Variants in FRMPD3 observed in about 807,000 individuals in gnomAD.
FRMPD3 encodes FERM and PDZ domain containing 3.
Under a neutral mutation model 97.9 loss-of-function variants are expected in FRMPD3, and 42 were observed. The observed-to-expected ratio is 0.43, with a 90% CI of 0.34 to 0.55. The LOEUF is 0.55. FRMPD3 is among the 20% of genes least tolerant of loss of function. The pLI is 0.03. For missense variants in FRMPD3, 1,303 were observed against 1,457.7 expected, an observed-to-expected ratio of 0.89 and a Z score of 1.73; for synonymous variants, 577 against 581.1, an observed-to-expected ratio of 0.99 and a Z score of 0.10.
intron 8 of FRMPD3, chrX:107,554,751 C>G: frequency 2.9e-6 from 1 of 342,364 alleles, no homozygotes. Flanking sequence ...CAGAAACAAG[C>G]AATCCCAGTA....
At chrX:107,570,020 A>T (rs1922803645) in intron 12 of FRMPD3, among the ~76,000 whole-genome samples, 1 of 107,301 alleles carries the variant, frequency 9.3e-6, no homozygotes, top group Non-Finnish European at 1.9e-5. Flanking sequence ...AGTCAAAAAA[A>T]AAAGGAAAGA....
intron 1 of FRMPD3, among the ~76,000 whole-genome samples, chrX:107,517,692 T>G (rs1602768805): frequency 1.0e-5 from 1 of 99,847 alleles, no homozygotes; most frequent in African/African-American, 3.8e-5. Flanking sequence ...ACCTGGGAGG[T>G]GGAGGTTGCA....
chrX:107,524,209 C>T (rs923655721), intron 1 of FRMPD3, among the ~76,000 whole-genome samples: 2 of 112,578 alleles, frequency 1.8e-5, no homozygotes, highest in East Asian at 2.8e-4. Flanking sequence ...CCTTCAAGGA[C>T]GAGCTCCTGC....
At chrX:107,564,827 C>T in intron 11 of FRMPD3, 60 bp from the exon 12 acceptor site, 2 of 1,131,463 alleles carry the variant, frequency 1.8e-6, no homozygotes, top group Middle Eastern at 2.6e-4. Flanking sequence ...CTCCTGCCTC[C>T]TCTCCCCACC....
intron 1 of FRMPD3, among the ~76,000 whole-genome samples, chrX:107,517,820 G>A (rs1249618916): frequency 3.5e-4 from 30 of 85,997 alleles, no homozygotes; most frequent in Non-Finnish European, 3.8e-4. Flanking sequence ...AAAGAAAGAA[G>A]GAAGGAAGGA....
At chrX:107,536,979 A>C (rs1923267052) in intron 4 of FRMPD3, among the ~76,000 whole-genome samples, 1 of 110,838 alleles carries the variant, frequency 9.0e-6, no homozygotes, top group Non-Finnish European at 1.9e-5. Flanking sequence ...AAGTGTCCAA[A>C]CTTAGGTGCA....
Position 107,475,278 on chromosome X carries a change from A to T in FRMPD3, c.-8+25273A>T, listed in dbSNP as rs754481028. 6.3e-5 allele frequency among the ~76,000 whole-genome samples: 7 copies of T among 111,979 alleles called. No homozygotes were observed. The East Asian group carries it at 1.7e-3, about 27-fold the overall frequency. On this transcript the variant is annotated intron_variant, in intron 1 of 14. Transcript: ENST00000683843. Reference sequence around the variant, plus strand: ...CCCAGCTCTCCTCCCTCTTTGAGCTACTTTCAAGTGTCTGCTCTGCTCTGT... The same window carrying T: ...CCCAGCTCTCCTCCCTCTTTGAGCTTCTTTCAAGTGTCTGCTCTGCTCTGT...
At chrX:107,462,096 T>A (rs946180942) in intron 1 of FRMPD3, among the ~76,000 whole-genome samples, 3 of 111,212 alleles carry the variant, frequency 2.7e-5, no homozygotes, top group Non-Finnish European at 5.7e-5. Flanking sequence ...GCCCCCGTTT[T>A]TAAAATTATA....
At chrX:107,535,672 CAA>C (rs772729164) in intron 4 of FRMPD3, among the ~76,000 whole-genome samples, 44 of 36,062 alleles carry the variant, frequency 1.2e-3, no homozygotes, top group African/African-American at 3.5e-3. Flanking sequence ...GACTCCATCT[CAA>C]AAAAAAAAAA....
intron 13 of FRMPD3, among the ~76,000 whole-genome samples, chrX:107,583,541 A>G (rs975445318): frequency 5.3e-5 from 6 of 112,244 alleles, no homozygotes; most frequent in Admixed American, 9.5e-5. Context: ...TAGTGCTACA[A>G]TAAACATACG....
chrX:107,496,227 C>G (rs1410301294), intron 1 of FRMPD3, among the ~76,000 whole-genome samples: 1 of 112,091 alleles, frequency 8.9e-6, no homozygotes, highest in Non-Finnish European at 1.9e-5. Flanking sequence ...ATTTGCATCC[C>G]TCTTGCAGTA....
chrX:107,485,805 A>G (rs977224648), intron 1 of FRMPD3, among the ~76,000 whole-genome samples: 1 of 111,785 alleles, frequency 8.9e-6, no homozygotes, highest in Non-Finnish European at 1.9e-5. Flanking sequence ...GATATAGGGA[A>G]AAGAGAACTG....
At position 107,601,978 on chromosome X, in the gene FRMPD3, C is replaced by T. The variant is rs376909950; in HGVS notation, c.3939C>T (p.Thr1313=). 32 of 1,169,320 alleles carry T rather than the reference C, an allele frequency of 2.7e-5. No homozygotes were observed. The African/African-American group carries it at 5.2e-4, about 19-fold the overall frequency. The change falls in exon 15 of 15, where the codon ACC becomes ACT. Residue 1313 remains threonine (T), a synonymous_variant. Transcript: ENST00000683843. ...RICRGGRPQA[T]QTPVPSLRGR... ...GCCGGGGGGGCCGGCCACAAGCCACCCAGACACCAGTGCCCAGCCTCCGGG... is the reference window on the plus strand; with the variant it reads ...GCCGGGGGGGCCGGCCACAAGCCACTCAGACACCAGTGCCCAGCCTCCGGG...
intron 1 of FRMPD3, among the ~76,000 whole-genome samples, chrX:107,489,974 T>C (rs1946313565): frequency 8.9e-6 from 1 of 112,350 alleles, no homozygotes; most frequent in African/African-American, 3.2e-5. Context: ...GTTTTAGGTC[T>C]AACATGTAAG....
rs1356478185 is a variant in FRMPD3, at chrX:107,600,006, A to G, written c.2264-297A>G. ...AGAAATATGTCTATACTGAACATGTACAGATTTTTCTTGTCATTATTCCCT... is the reference window on the plus strand; with the variant it reads ...AGAAATATGTCTATACTGAACATGTGCAGATTTTTCTTGTCATTATTCCCT... On this transcript the variant is annotated intron_variant, in intron 14 of 14. Coordinates refer to ENST00000683843, the MANE Select transcript of FRMPD3 (RefSeq NM_001388459.1). Among the ~76,000 whole-genome samples the G allele has an allele frequency of 7.1e-5, 8 of 112,396 alleles. No individual in the cohort carries two copies. In the East Asian group the frequency reaches 2.2e-3, roughly 31 times the overall value.
chrX:107,520,403 G>C (rs1272801867), intron 1 of FRMPD3, among the ~76,000 whole-genome samples: 2 of 110,244 alleles, frequency 1.8e-5, no homozygotes, highest in Non-Finnish European at 3.8e-5. Context: ...ACTTTGGGAG[G>C]CTGAGGCTGG....
chrX:107,451,238 G>C (rs760288061), intron 1 of FRMPD3, among the ~76,000 whole-genome samples: 10 of 111,993 alleles, frequency 8.9e-5, no homozygotes, highest in Non-Finnish European at 1.9e-4. Context: ...CAGCTCTTAC[G>C]GAGGGCGGGG....
At chrX:107,466,698 A>T (rs1407024997) in intron 1 of FRMPD3, among the ~76,000 whole-genome samples, 1 of 112,333 alleles carries the variant, frequency 8.9e-6, no homozygotes, top group Non-Finnish European at 1.9e-5. Flanking sequence ...CCTCTTCTGC[A>T]GTGCATGGAG....
At position 107,550,174 on chromosome X, in the gene FRMPD3, C is replaced by T. The variant is rs377385916; in HGVS notation, c.510+18C>T. 1.6e-3 allele frequency: 1,711 copies of T among 1,059,071 alleles called. 26 individuals carry two copies. In the South Asian group the frequency reaches 0.031, roughly 19 times the overall value. 87.3% of individuals were successfully genotyped at this position (1,059,071 alleles called of 1,213,427 possible). A position where few individuals can be genotyped will look rare whatever the true frequency, so the allele number is the denominator to read the frequency against. On this transcript the variant is annotated intron_variant, in intron 6 of 14. Coordinates refer to ENST00000683843, the MANE Select transcript of FRMPD3 (RefSeq NM_001388459.1). ...CTGTTAAGGTACATACAGTCTCCTC[C>T]CCCTGGTCAGCATTGCCCTCTCCAG...
Sources: allele counts gnomAD v4.1 joint callset (sites outside exome capture counted in the v4.1 genomes callset), GRCh38; gene constraint gnomAD v4.1.1; transcripts MANE v1.5; gene names NCBI Gene and HGNC (gene_info 2026-07-23, HGNC 2026-07-21).